The following MATN2 variants were observed in gnomAD, a reference collection of about 807,000 sequenced individuals.
MATN2 encodes matrilin-2.
In MATN2, 69 loss-of-function variants were observed where a neutral mutation model predicts 103.2. The ratio of observed to expected loss-of-function variants is 0.67; its 90% CI spans 0.55 to 0.82. The LOEUF is 0.82. MATN2 is among the 40% of genes least tolerant of loss of function. MATN2 has a pLI of 0.00. For synonymous variants in MATN2, 429 were observed against 450.2 expected, an observed-to-expected ratio of 0.95 and a Z score of 0.60; for missense variants, 1,023 against 1,211.5, an observed-to-expected ratio of 0.84 and a Z score of 2.31.
Position 98,035,862 on chromosome 8 carries a change from G to T in MATN2, c.*150G>T, listed in dbSNP as rs1222137733. 2 of 451,630 alleles carry T rather than the reference G, an allele frequency of 4.4e-6. No individual in the cohort carries two copies. Among genetic ancestry groups the T allele is most frequent in the African/African-American group, 2.0e-5 (1 of 49,532 alleles). The allele number at this position is 451,630 out of a possible 1,614,324, so 28.0% of individuals were successfully genotyped here. ...GAAACCTGGTTTGCCACAGAACAAAGACAAGAAGTATACACTAACTTGTAT... is the reference window on the plus strand; with the variant it reads ...GAAACCTGGTTTGCCACAGAACAAATACAAGAAGTATACACTAACTTGTAT... On this transcript the variant is annotated 3_prime_UTR_variant, in exon 19 of 19. Transcript: ENST00000254898.
At chr8:97,992,212 G>T (rs761168160) in intron 6 of MATN2, among the ~76,000 whole-genome samples, 3 of 152,226 alleles carry the variant, frequency 2.0e-5, no homozygotes, top group Non-Finnish European at 4.4e-5. Context: ...ACATAGGTCA[G>T]AGAGATGACC....
intron 2 of MATN2, among the ~76,000 whole-genome samples, chr8:97,889,453 C>A (rs1412710791): frequency 8.7e-5 from 4 of 45,906 alleles, no homozygotes; most frequent in South Asian, 2.1e-3. Context: ...CTCTCTCTCT[C>A]TCTGTCTATA....
Position 97,888,199 on chromosome 8 carries a change from T to C in MATN2, c.99T>C (p.Ser33=). The change falls in exon 2 of 19, where the codon TCT becomes TCC. Residue 33 remains serine (S), a synonymous_variant. Coordinates refer to ENST00000254898, the MANE Select transcript of MATN2 (RefSeq NM_002380.5). ...ARERSRGRSI[S]RGRHARTHPQ... ...AGCGGTCACGTGGGAGGTCCATCTCTAGGGGCAGACACGCTCGGACCCACC... is the reference window on the plus strand; with the variant it reads ...AGCGGTCACGTGGGAGGTCCATCTCCAGGGGCAGACACGCTCGGACCCACC... The C allele has an allele frequency of 1.2e-6, 2 of 1,604,604 alleles. No homozygotes were observed. The highest frequency in any genetic ancestry group is 1.7e-6 in the Non-Finnish European group (2 of 1,174,854).
chr8:97,959,718 G>T (rs1811246013), intron 4 of MATN2, among the ~76,000 whole-genome samples: 2 of 152,190 alleles, frequency 1.3e-5, no homozygotes, highest in South Asian at 4.1e-4. Context: ...TTTTTAAAAT[G>T]TGATGATGTA....
Position 97,941,816 on chromosome 8 carries a change from A to G in MATN2, c.752A>G (p.His251Arg). ...MCSTLEHNCA[H>R]FCINIPGSYV... ...AGCACCCTGGAGCATAACTGTGCCC[A>G]CTTCTGCATCAACATCCCTGGCTCA... Residue 251 changes from histidine to arginine, a missense_variant, in exon 4 of 19, where the codon CAC (histidine) becomes CGC (arginine). Coordinates refer to ENST00000254898, the MANE Select transcript of MATN2 (RefSeq NM_002380.5). 6.2e-7 allele frequency: 1 copy of G among 1,611,450 alleles called. No individual in the cohort carries two copies. The highest frequency in any genetic ancestry group is 8.5e-7 in the Non-Finnish European group (1 of 1,178,816).
intron 5 of MATN2, among the ~76,000 whole-genome samples, chr8:97,975,480 C>T (rs1432141515): frequency 6.6e-6 from 1 of 152,186 alleles, no homozygotes; most frequent in East Asian, 1.9e-4. Flanking sequence ...AATGGCCGGG[C>T]TCAGATTATA....
intron 10 of MATN2, among the ~76,000 whole-genome samples, chr8:98,015,542 T>C (rs1189843358): frequency 6.6e-6 from 1 of 152,180 alleles, no homozygotes; most frequent in Non-Finnish European, 1.5e-5. Flanking sequence ...TGTTCTTTCT[T>C]GCTGATAATG....
At chr8:98,004,949 C>T (rs190389774) in intron 8 of MATN2, among the ~76,000 whole-genome samples, 10 of 152,178 alleles carry the variant, frequency 6.6e-5, no homozygotes, top group African/African-American at 2.2e-4. Context: ...CCTTGGCATG[C>T]GGGAGAGGGG....
chr8:97,963,014 A>C (rs1329125495), intron 5 of MATN2, among the ~76,000 whole-genome samples: 32 of 152,082 alleles, frequency 2.1e-4, no homozygotes, highest in Admixed American at 2.1e-3. Context: ...GTGCCCCTGT[A>C]TTTTCAGCTA....
At chr8:97,945,633 C>T (rs2130197624) in intron 4 of MATN2, among the ~76,000 whole-genome samples, 1 of 150,088 alleles carries the variant, frequency 6.7e-6, no homozygotes, top group Admixed American at 6.7e-5. Flanking sequence ...GTGGTACTGT[C>T]ATCACACAAA....
chr8:97,920,773 T>C (rs1020354600), intron 2 of MATN2, among the ~76,000 whole-genome samples: 5 of 152,056 alleles, frequency 3.3e-5, no homozygotes, highest in African/African-American at 7.2e-5. Flanking sequence ...TTGGGAGTAA[T>C]TGGAAAGTGA....
intron 4 of MATN2, among the ~76,000 whole-genome samples, chr8:97,942,567 T>C (rs947007558): frequency 1.3e-5 from 2 of 152,232 alleles, no homozygotes; most frequent in African/African-American, 4.8e-5. Context: ...TTTAAAGTTA[T>C]GGATAAAGCC....
intron 2 of MATN2, 125 bp downstream of exon 2, chr8:97,888,367 C>T (rs1818517171): frequency 1.4e-5 from 16 of 1,153,598 alleles, no homozygotes; most frequent in Non-Finnish European, 1.8e-5. Context: ...ATGTGCTGGG[C>T]CTGGGGTCCT....
chr8:98,016,701 G>A, intron 11 of MATN2, 39 bp downstream of exon 11: 5 of 1,600,246 alleles, frequency 3.1e-6, no homozygotes, highest in Admixed American at 1.7e-5. Context: ...TACTATGCCA[G>A]ACCACTGTGT....
At chr8:97,936,883 A>C (rs1563678604) in intron 3 of MATN2, among the ~76,000 whole-genome samples, 1 of 152,220 alleles carries the variant, frequency 6.6e-6, no homozygotes, top group Non-Finnish European at 1.5e-5. Flanking sequence ...GGAAAGTTTT[A>C]TTCTAGTTTA....
At chr8:97,882,999 G>T (rs913946136) in intron 1 of MATN2, among the ~76,000 whole-genome samples, 3 of 151,964 alleles carry the variant, frequency 2.0e-5, no homozygotes, top group African/African-American at 4.8e-5. Flanking sequence ...TTCTAATTGA[G>T]TGATAAGAGT....
intron 7 of MATN2, among the ~76,000 whole-genome samples, chr8:98,001,991 C>T (rs1172718697): frequency 6.6e-6 from 1 of 152,192 alleles, no homozygotes; most frequent in African/African-American, 2.4e-5. Context: ...TCTGCCACAT[C>T]CCCAGAAAAA....
At chr8:98,026,342 C>T (rs1329288024) in intron 13 of MATN2, among the ~76,000 whole-genome samples, 1 of 151,640 alleles carries the variant, frequency 6.6e-6, no homozygotes, top group Non-Finnish European at 1.5e-5. Flanking sequence ...TTACTGCAAC[C>T]TGTAATTCTT....
chr8:98,028,886 C>T (rs1365496682), intron 14 of MATN2, among the ~76,000 whole-genome samples: 3 of 152,176 alleles, frequency 2.0e-5, no homozygotes, highest in Non-Finnish European at 4.4e-5. Context: ...TGTGCCCAGC[C>T]GAAAACTGCC....
Sources: gnomAD v4.1 joint callset for allele counts (sites outside exome capture counted in the v4.1 genomes callset) on GRCh38, gnomAD v4.1.1 for gene constraint, MANE v1.5 for transcripts, NCBI Gene and HGNC (gene_info 2026-07-23, HGNC 2026-07-21) for gene names.